FAM107B: variants seen among roughly 807,000 people sequenced by gnomAD.
The protein encoded by FAM107B is protein FAM107B.
In FAM107B, 21 loss-of-function variants were observed where a neutral mutation model predicts 31.5. The observed-to-expected ratio is 0.67, with a 90% confidence interval of 0.47 to 0.96. The LOEUF (loss-of-function observed/expected upper bound fraction) is 0.96, where lower values mean the gene tolerates loss of function less well. Among genes scored for constraint, FAM107B ranks in the 40% least tolerant of loss-of-function variants. The pLI, the probability that FAM107B is intolerant of heterozygous loss-of-function variation, is 0.00. For synonymous variants in FAM107B, 157 were observed against 141.5 expected (o/e 1.11, Z -0.78); for missense variants, 452 against 377.1 (o/e 1.20, Z -1.64).
chr10:14,566,480 G>A (rs1850677388), intron 2 of FAM107B, among the ~76,000 whole-genome samples: 1 of 152,124 alleles, frequency 6.6e-6, no homozygotes, highest in South Asian at 2.1e-4. Flanking sequence ...GAGGGAGCCT[G>A]GAAACACTCT....
intron 1 of FAM107B, among the ~76,000 whole-genome samples, chr10:14,681,525 A>G (rs7096784): frequency 0.54 from 81,553 of 151,962 alleles, 23,186 homozygotes; most frequent in South Asian, 0.68. Flanking sequence ...AGGGTTTCAG[A>G]GAAATACTGA....
intron 1 of FAM107B, among the ~76,000 whole-genome samples, chr10:14,675,687 T>A (rs1564622135): frequency 6.6e-6 from 1 of 152,028 alleles, no homozygotes; most frequent in Non-Finnish European, 1.5e-5. Flanking sequence ...AAAGAAAACA[T>A]CTTACAGTGG....
intron 2 of FAM107B, among the ~76,000 whole-genome samples, chr10:14,662,545 T>A (rs1299228898): frequency 6.6e-6 from 1 of 152,114 alleles, no homozygotes; most frequent in Admixed American, 6.6e-5. Context: ...CCCAGCTAAT[T>A]TTTTAATTTT....
At chr10:14,642,972 T>C (rs1853665550) in intron 2 of FAM107B, among the ~76,000 whole-genome samples, 1 of 152,172 alleles carries the variant, frequency 6.6e-6, no homozygotes, top group South Asian at 2.1e-4. Context: ...CCCCAAATTC[T>C]TCCAGCCTCT....
rs773576671 is a variant in FAM107B at position 14,649,964 on chromosome 10, C to G, written c.469+17670G>C. Among the ~76,000 whole-genome samples, 4 of 152,184 alleles carry G rather than the reference C, an allele frequency of 2.6e-5. No individual in the cohort carries two copies. The South Asian group carries it at 8.3e-4, about 31-fold the overall frequency. ...ATCAGAGATGCAGGCATGTCCTGTG[C>G]GTTTCCTCCAGTATCCTTAACACAT... On this transcript the variant is annotated intron_variant, in intron 2 of 4. Coordinates refer to ENST00000181796, the MANE Select transcript of FAM107B (RefSeq NM_031453.4).
chr10:14,695,502 A>AT (rs112581742), intron 1 of FAM107B, among the ~76,000 whole-genome samples: 1 of 152,024 alleles, frequency 6.6e-6, no homozygotes, highest in Non-Finnish European at 1.5e-5. Context: ...GAATTTTAGA[A>AT]TTTTTTTCCT....
intron 1 of FAM107B, among the ~76,000 whole-genome samples, chr10:14,773,623 G>A (rs1375277339): frequency 6.6e-6 from 1 of 150,854 alleles, no homozygotes; most frequent in Non-Finnish European, 1.5e-5. Flanking sequence ...AAGAAAATAA[G>A]TAAATAACTC....
At chr10:14,724,152 C>T (rs1200398915) in intron 1 of FAM107B, 5 of 496,714 alleles carry the variant, frequency 1.0e-5, no homozygotes, top group Non-Finnish European at 1.8e-5. Flanking sequence ...ATCTTCTATG[C>T]ATGTGTCTTC....
chr10:14,683,187 T>C (rs891810206), intron 1 of FAM107B, among the ~76,000 whole-genome samples: 4 of 151,846 alleles, frequency 2.6e-5, no homozygotes, highest in African/African-American at 9.7e-5. Flanking sequence ...CCCTAGCCCC[T>C]TGCTGGTCTT....
At chr10:14,661,903 TTCTC>T (rs1435574946) in intron 2 of FAM107B, among the ~76,000 whole-genome samples, 1 of 152,178 alleles carries the variant, frequency 6.6e-6, no homozygotes, top group African/African-American at 2.4e-5. Flanking sequence ...TGACATGCAG[TTCTC>T]TCTGTCTGTG....
At chr10:14,690,319 C>T (rs1362937612) in intron 1 of FAM107B, among the ~76,000 whole-genome samples, 1 of 152,208 alleles carries the variant, frequency 6.6e-6, no homozygotes, top group Non-Finnish European at 1.5e-5. Flanking sequence ...AAGGCTCTGC[C>T]TCTGTTTCCT....
At position 14,526,840 on chromosome 10, in the gene FAM107B, A is replaced by AT. The variant is rs1166706903; in HGVS notation, c.653+3491dup. ...TCTCTAAATAATATCAGAAATATTA[A>AT]TTTTTTTTTTTTTTTGAGACGGAGT... is the stretch of plus-strand genomic sequence containing the variant. On this transcript the variant is annotated intron_variant, in intron 3 of 4. Transcript: ENST00000181796. 5.1e-3 allele frequency among the ~76,000 whole-genome samples: 752 copies of AT among 147,808 alleles called. 9 individuals carry two copies. The highest frequency in any genetic ancestry group is 0.015 in the African/African-American group (604 of 40,168).
At chr10:14,538,056 T>C (rs1383467274) in intron 2 of FAM107B, among the ~76,000 whole-genome samples, 5 of 152,154 alleles carry the variant, frequency 3.3e-5, no homozygotes, top group Non-Finnish European at 5.9e-5. Context: ...TCTTAGGCAC[T>C]CCATGGGCTG....
chr10:14,572,046 T>G, intron 2 of FAM107B: 1 of 985,352 alleles, frequency 1.0e-6, no homozygotes, highest in Non-Finnish European at 1.2e-6. Flanking sequence ...AAACAAGAAT[T>G]AACCATCCCC....
chr10:14,715,638 A>C (rs568785827), intron 1 of FAM107B, among the ~76,000 whole-genome samples: 275 of 152,332 alleles, frequency 1.8e-3, no homozygotes, highest in African/African-American at 6.4e-3. Flanking sequence ...GGCACCATTC[A>C]ATCTATTGAG....
At chr10:14,702,416 C>T (rs528088261) in intron 1 of FAM107B, among the ~76,000 whole-genome samples, 47 of 152,262 alleles carry the variant, frequency 3.1e-4, no homozygotes, top group Admixed American at 1.8e-3. Context: ...TGCAATGGCA[C>T]GATCTTGGCT....
At chr10:14,738,586 T>C (rs1856363732) in intron 1 of FAM107B, among the ~76,000 whole-genome samples, 1 of 152,128 alleles carries the variant, frequency 6.6e-6, no homozygotes. Flanking sequence ...TCCTGAAGCG[T>C]GTCACACGCC....
chr10:14,629,397 T>C (rs1182660038), intron 2 of FAM107B, among the ~76,000 whole-genome samples: 1 of 44,436 alleles, frequency 2.3e-5, no homozygotes, highest in Non-Finnish European at 3.8e-5. Flanking sequence ...ATATAATATA[T>C]ATTATATATT....
rs554295882 is a variant in FAM107B at position 14,616,991 on chromosome 10, T to A, written c.469+50643A>T. Among the ~76,000 whole-genome samples, 5 of 148,920 alleles carry A rather than the reference T, an allele frequency of 3.4e-5. No homozygotes were observed. The East Asian group carries it at 7.9e-4, about 24-fold the overall frequency. The stretch of plus-strand genomic sequence containing the variant: ...TAAAAATAAAAATAAGGCAGGCAGG[T>A]GGGTGAATAAGAGAAGGATAAGGAA... On this transcript the variant is annotated intron_variant, in intron 2 of 4. Transcript: ENST00000181796.
Sources: allele counts gnomAD v4.1 joint callset (sites outside exome capture counted in the v4.1 genomes callset), GRCh38; gene constraint gnomAD v4.1.1; transcripts MANE v1.5; gene names NCBI Gene and HGNC (gene_info 2026-07-23, HGNC 2026-07-21).